PSD3: variants seen among roughly 807,000 people sequenced by gnomAD.
PSD3 encodes PH and SEC7 domain-containing protein 3.
PSD3 carries 49 observed loss-of-function variants against 105.5 expected under a neutral mutation model. The observed-to-expected ratio is 0.46, with a 90% CI of 0.37 to 0.59. The LOEUF (loss-of-function observed/expected upper bound fraction) is 0.59. Ranked by LOEUF, PSD3 falls within the 20% of genes least tolerant of loss-of-function variation. The probability of loss-of-function intolerance (pLI) is 0.00; values close to 1 mark genes in which losing one functional copy is unlikely to be tolerated. For missense variants in PSD3, 1,561 were observed against 1,263.8 expected, an observed-to-expected ratio of 1.24 and a Z score of -3.57; for synonymous variants, 557 against 457.8, an observed-to-expected ratio of 1.22 and a Z score of -2.77.
intron 12 of PSD3, among the ~76,000 whole-genome samples, chr8:18,587,234 G>C (rs1359722653): frequency 1.3e-5 from 2 of 152,160 alleles, no homozygotes; most frequent in Non-Finnish European, 2.9e-5. Context: ...GGGCTGCTTA[G>C]CATGGGGGAC....
rs1311665316 is a variant in PSD3, at chr8:18,804,785, T to C, written c.1748A>G (p.Glu583Gly). ...GCGTTTGGCCAACCTTTTGGCTGCT[T>C]CCACATTGCTGCTGGTACCATTACT... ...NLSNGTSSNV[E>G]AAKRLAKRLY... The change falls in exon 5 of 16, where the codon GAA becomes GGA. Residue 583 changes from glutamate (E) to glycine (G), a missense_variant. By Grantham distance (98) the Glu-to-Gly change is moderately conservative. Coordinates refer to ENST00000327040, the MANE Select transcript of PSD3 (RefSeq NM_015310.4). 1 of 1,614,140 alleles carries C rather than the reference T, an allele frequency of 6.2e-7. No homozygotes were observed. The highest frequency in any genetic ancestry group is 8.5e-7 in the Non-Finnish European group (1 of 1,179,990).
intron 1 of PSD3, among the ~76,000 whole-genome samples, chr8:18,983,683 C>T (rs1235060706): frequency 1.3e-5 from 2 of 151,828 alleles, no homozygotes; most frequent in African/African-American, 4.8e-5. Context: ...TCTTGGTGTC[C>T]CAAAGCAATT....
intron 1 of PSD3, among the ~76,000 whole-genome samples, chr8:18,992,708 A>G (rs1317698737): frequency 6.6e-6 from 1 of 152,202 alleles, no homozygotes; most frequent in East Asian, 1.9e-4. Context: ...ACTAGAAATG[A>G]TTCAGTCTTC....
At chr8:18,843,691 T>C (rs1163542123) in intron 4 of PSD3, among the ~76,000 whole-genome samples, 1 of 152,204 alleles carries the variant, frequency 6.6e-6, no homozygotes, top group Non-Finnish European at 1.5e-5. Flanking sequence ...TTGTTGCTAA[T>C]CTGGGCTTTG....
At chr8:18,847,799 C>G (rs1166655118) in intron 4 of PSD3, among the ~76,000 whole-genome samples, 1 of 152,146 alleles carries the variant, frequency 6.6e-6, no homozygotes, top group African/African-American at 2.4e-5. Context: ...ACAAGGCTAC[C>G]CTGGGATCAG....
chr8:18,929,251 CTA>C (rs1491506039), intron 2 of PSD3, among the ~76,000 whole-genome samples: 2 of 110,916 alleles, frequency 1.8e-5, no homozygotes, highest in African/African-American at 7.1e-5. Flanking sequence ...CACAACAGTG[CTA>C]AAAAAAAAAA....
At chr8:18,783,675 C>A (rs1210635959) in intron 8 of PSD3, among the ~76,000 whole-genome samples, 3 of 152,006 alleles carry the variant, frequency 2.0e-5, no homozygotes, top group African/African-American at 7.3e-5. Context: ...GCTCTGTTGC[C>A]CAGGCTGGAG....
chr8:18,739,665 T>A (rs1804410855), intron 9 of PSD3, among the ~76,000 whole-genome samples: 1 of 152,190 alleles, frequency 6.6e-6, no homozygotes, highest in South Asian at 2.1e-4. Context: ...ATAAACCACA[T>A]TTTTTAATTA....
chr8:18,868,183 A>T, intron 3 of PSD3, 114 bp from the exon 4 acceptor site: 1 of 1,186,440 alleles, frequency 8.4e-7, no homozygotes, highest in African/African-American at 1.5e-5. Context: ...CTATTCATTG[A>T]CTTATATCTT....
At chr8:18,907,870 A>T (rs983214473) in intron 2 of PSD3, among the ~76,000 whole-genome samples, 1 of 152,230 alleles carries the variant, frequency 6.6e-6, no homozygotes. Context: ...ACTTTTTTCA[A>T]TAAGTTGAAT....
chr8:18,906,617 T>C (rs1819866476), intron 2 of PSD3, among the ~76,000 whole-genome samples: 2 of 152,288 alleles, frequency 1.3e-5, no homozygotes, highest in Non-Finnish European at 2.9e-5. Flanking sequence ...CTAAACTTCA[T>C]ACCTTCAAAT....
chr8:18,538,119 T>G (rs746583948), intron 15 of PSD3, among the ~76,000 whole-genome samples: 3 of 152,234 alleles, frequency 2.0e-5, no homozygotes, highest in Non-Finnish European at 4.4e-5. Flanking sequence ...CATGTTGACA[T>G]GATGAGCTGG....
intron 2 of PSD3, among the ~76,000 whole-genome samples, chr8:18,927,959 G>A (rs76597982): frequency 1.3e-5 from 2 of 152,262 alleles, no homozygotes; most frequent in African/African-American, 4.8e-5. Context: ...AAGGTTTAAT[G>A]TAGAATTGCC....
chr8:19,001,748 A>G (rs1826412021), intron 1 of PSD3: 1 of 153,188 alleles, frequency 6.5e-6, no homozygotes, highest in Non-Finnish European at 1.5e-5. Flanking sequence ...CCGGGCTCAG[A>G]GAAGGAAGGT....
At chr8:18,735,012 T>C (rs1392879088) in intron 9 of PSD3, among the ~76,000 whole-genome samples, 1 of 152,208 alleles carries the variant, frequency 6.6e-6, no homozygotes. Flanking sequence ...AAAGCAATAA[T>C]TCAGAGTAAT....
chr8:18,985,910 T>C (rs1825476139), intron 1 of PSD3, among the ~76,000 whole-genome samples: 1 of 151,980 alleles, frequency 6.6e-6, no homozygotes, highest in Admixed American at 6.6e-5. Context: ...TATTATATTA[T>C]AATTACATTT....
chr8:18,871,753 T>C lies in PSD3; in HGVS notation c.1111A>G (p.Arg371Gly). ...WDESWKAPSE[R>G]PGTSSGTFSP... ...AATGTCCCCGAGCTAGTGCCAGGCCTCTCTGAAGGAGCTTTCCAGGATTCA... is the reference window on the plus strand; with the variant it reads ...AATGTCCCCGAGCTAGTGCCAGGCCCCTCTGAAGGAGCTTTCCAGGATTCA... The change falls in exon 3 of 16, where the codon AGG (arginine) becomes GGG (glycine). Residue 371 changes from arginine to glycine, a missense_variant. Arg to Gly is a moderately radical substitution (Grantham distance 125). Coordinates refer to ENST00000327040, the MANE Select transcript of PSD3 (RefSeq NM_015310.4). 6.2e-7 allele frequency: 1 copy of C among 1,614,152 alleles called. No individual in the cohort carries two copies. The highest frequency in any genetic ancestry group is 8.5e-7 in the Non-Finnish European group (1 of 1,180,020).
intron 1 of PSD3, among the ~76,000 whole-genome samples, chr8:19,051,747 G>T (rs1027132589): frequency 6.6e-6 from 1 of 152,182 alleles, no homozygotes; most frequent in African/African-American, 2.4e-5. Context: ...GCTGGCAGGG[G>T]TTACATTTGG....
In PSD3 at chr8:19,058,989, A is replaced by G. The variant is rs532443426; in HGVS notation, c.324+25217T>C. On this transcript the variant is annotated intron_variant, in intron 1 of 1. Transcript: ENST00000521475. The stretch of plus-strand genomic sequence containing the variant: ...GCAGAGCTACCCAACCTGAAGAGAT[A>G]TAGCATATATGGCTGGCAAGAGCCA... Among the ~76,000 whole-genome samples, 7 of 152,314 alleles carry G rather than the reference A, an allele frequency of 4.6e-5. No homozygotes were observed. In the East Asian group the frequency reaches 1.3e-3, roughly 29 times the overall value.
Sources: allele counts gnomAD v4.1 joint callset (sites outside exome capture counted in the v4.1 genomes callset), GRCh38; gene constraint gnomAD v4.1.1; transcripts MANE v1.5; gene names NCBI Gene and HGNC (gene_info 2026-07-23, HGNC 2026-07-21).